SHLD2: variants seen among roughly 807,000 people sequenced by gnomAD.
The protein encoded by SHLD2 is shieldin complex subunit 2.
In SHLD2, 30 loss-of-function variants were observed where a neutral mutation model predicts 73.2. The observed-to-expected ratio is 0.41, with a 90% confidence interval of 0.31 to 0.56. The LOEUF (loss-of-function observed/expected upper bound fraction) is 0.56, where lower values mean the gene tolerates loss of function less well. SHLD2 is among the 20% of genes least tolerant of loss of function. SHLD2 has a pLI of 0.28. For synonymous variants in SHLD2, 285 were observed against 370.1 expected (o/e 0.77, Z 2.64); for missense variants, 745 against 1,055.9 (o/e 0.71, Z 4.08).
At chr10:87,099,294 A>G (rs1278057533) in intron 2 of SHLD2, among the ~76,000 whole-genome samples, 1 of 152,214 alleles carries the variant, frequency 6.6e-6, no homozygotes. Context: ...ATTTAGAAAA[A>G]CATAGCATAT....
chr10:87,100,975 A>G (rs1257896238), intron 2 of SHLD2, among the ~76,000 whole-genome samples: 1 of 152,218 alleles, frequency 6.6e-6, no homozygotes, highest in Non-Finnish European at 1.5e-5. Flanking sequence ...TTTTAACAAT[A>G]TTACATCTTC....
chr10:87,116,196 T>C (rs1216230284), intron 2 of SHLD2, among the ~76,000 whole-genome samples: 2 of 151,888 alleles, frequency 1.3e-5, no homozygotes, highest in African/African-American at 2.4e-5. Flanking sequence ...TGGATATTTG[T>C]TGAGAGTGGA....
intron 6 of SHLD2, among the ~76,000 whole-genome samples, chr10:87,175,656 C>G (rs371654251): frequency 1.3e-5 from 2 of 152,114 alleles, no homozygotes; most frequent in East Asian, 1.9e-4. Flanking sequence ...TGCTCTCCAG[C>G]CTGGGCAACA....
intron 8 of SHLD2, among the ~76,000 whole-genome samples, chr10:87,182,746 G>A (rs947462899): frequency 1.2e-4 from 18 of 152,028 alleles, no homozygotes; most frequent in Non-Finnish European, 2.1e-4. Context: ...TCAAGGTGTA[G>A]GCTGGGGCTG....
chr10:87,098,879 A>G (rs955705468), intron 2 of SHLD2, among the ~76,000 whole-genome samples: 5 of 152,118 alleles, frequency 3.3e-5, no homozygotes, highest in Admixed American at 1.3e-4. Context: ...GGGCTCAGGC[A>G]ATCCTCCCAC....
chr10:87,149,542 G>C (rs2134304864), intron 2 of SHLD2, among the ~76,000 whole-genome samples: 1 of 151,976 alleles, frequency 6.6e-6, no homozygotes, highest in South Asian at 2.1e-4. Context: ...GGCCAACATG[G>C]TGACACCCCA....
intron 2 of SHLD2, among the ~76,000 whole-genome samples, chr10:87,147,704 T>C (rs1183711327): frequency 3.3e-5 from 5 of 151,772 alleles, no homozygotes; most frequent in Admixed American, 1.3e-4. Flanking sequence ...TGACTTTTTT[T>C]CTGAACATTA....
intron 3 of SHLD2, among the ~76,000 whole-genome samples, chr10:87,156,147 A>C (rs1295826271): frequency 4.6e-5 from 7 of 150,984 alleles, no homozygotes; most frequent in African/African-American, 1.7e-4. Flanking sequence ...GCTCACTGCA[A>C]CCTCTGCCTC....
At chr10:87,097,231 T>G (rs549455577) in intron 2 of SHLD2, among the ~76,000 whole-genome samples, 82 of 152,336 alleles carry the variant, frequency 5.4e-4, no homozygotes, top group African/African-American at 1.8e-3. Flanking sequence ...AATGTTTAAC[T>G]TTGCTTCTTC....
In SHLD2 at chr10:87,158,103, T is replaced by G; in HGVS notation, c.1581T>G (p.Phe527Leu). 1 of 1,611,510 alleles carries G rather than the reference T, an allele frequency of 6.2e-7. No homozygotes were observed. Among genetic ancestry groups the G allele is most frequent in the Non-Finnish European group, 8.5e-7 (1 of 1,179,584 alleles). ...GCGAGACAGTACTACAATCAACATT[T>G]AGCAGTCAGTTATTAAATCTTGGGA... Reference protein sequence around the residue: ...WIGETVLQSTFSSQLLNLGSY... With the variant: ...WIGETVLQSTLSSQLLNLGSY... Residue 527 changes from phenylalanine to leucine, a missense_variant, in exon 4 of 10, where the codon TTT becomes TTG. Around this residue, in one of 5 missense-constraint regions of SHLD2, gnomAD observed 418 missense variants for 567.8 expected, o/e 0.74. Transcript: ENST00000298786.
rs1221729259 is a variant in SHLD2, at chr10:87,117,702, G to A, written c.-6+20713G>A. ...CCCAGCTACTTGAGAGGCTGAGGTG[G>A]GAGGATCTCTTGAGCCCAGGAAGTT... On this transcript the variant is annotated intron_variant, in intron 2 of 9. Coordinates refer to ENST00000298786, the MANE Select transcript of SHLD2 (RefSeq NM_001330112.2). Among the ~76,000 whole-genome samples, 3 of 152,218 alleles carry A rather than the reference G, an allele frequency of 2.0e-5. No homozygotes were observed. In the East Asian group the frequency reaches 5.8e-4, roughly 29 times the overall value.
intron 2 of SHLD2, among the ~76,000 whole-genome samples, chr10:87,100,703 C>A (rs758307274): frequency 3.9e-5 from 6 of 152,282 alleles, no homozygotes; most frequent in Middle Eastern, 3.4e-3. Flanking sequence ...ATCTCGAACT[C>A]CTTGACCCAG....
chr10:87,110,171 C>T (rs1332764893), intron 2 of SHLD2, among the ~76,000 whole-genome samples: 1 of 152,138 alleles, frequency 6.6e-6, no homozygotes, highest in Non-Finnish European at 1.5e-5. Flanking sequence ...CACCTGTAGT[C>T]CCAGCTACTC....
In SHLD2 at chr10:87,170,847, A is replaced by G; in HGVS notation, c.1836A>G (p.Val612=). 1 of 1,611,886 alleles carries G rather than the reference A, an allele frequency of 6.2e-7. No individual in the cohort carries two copies. Among genetic ancestry groups the G allele is most frequent in the Non-Finnish European group, 8.5e-7 (1 of 1,179,796 alleles). ...CTCATTTTCCTTTTCCAGAGGCAGT[A>G]TACAGTTATAGAGGACAGAAGCAGA... The part of the protein sequence containing the change: ...VVDFTILTEA[V]YSYRGQKQKK... The change falls in exon 6 of 10, where the codon GTA becomes GTG. Residue 612 remains valine (V), a synonymous_variant. Transcript: ENST00000298786.
chr10:87,178,478 G>T (rs1211181490), intron 7 of SHLD2, among the ~76,000 whole-genome samples: 2 of 151,598 alleles, frequency 1.3e-5, no homozygotes, highest in Non-Finnish European at 2.9e-5. Flanking sequence ...ATTCTGGGAG[G>T]CCAAGAAGAG....
intron 2 of SHLD2, among the ~76,000 whole-genome samples, chr10:87,120,409 G>A (rs1457122906): frequency 5.9e-5 from 9 of 151,808 alleles, no homozygotes; most frequent in East Asian, 1.9e-4. Context: ...CACCACGCCC[G>A]GCTGATTTTT....
chr10:87,143,966 C>T lies in SHLD2; in HGVS notation c.-5-7384C>T, dbSNP rs550088127. On this transcript the variant is annotated intron_variant, in intron 2 of 9. Transcript: ENST00000298786. ...GCAACCTCCACCTCCTGGGTTCAAGCGATTCTCCTGCCTCAGCCTCCTGAG... is the reference window on the plus strand; with the variant it reads ...GCAACCTCCACCTCCTGGGTTCAAGTGATTCTCCTGCCTCAGCCTCCTGAG... Among the ~76,000 whole-genome samples the T allele has an allele frequency of 6.6e-5, 10 of 151,038 alleles. No homozygotes were observed. The South Asian group carries it at 1.3e-3, about 19-fold the overall frequency.
intron 2 of SHLD2, among the ~76,000 whole-genome samples, chr10:87,103,527 A>G (rs934271525): frequency 6.6e-6 from 1 of 152,178 alleles, no homozygotes; most frequent in Non-Finnish European, 1.5e-5. Context: ...TCATTTTGGT[A>G]TATCATGAGT....
Position 87,120,404 on chromosome 10 carries a change from C to T in SHLD2, c.-6+23415C>T, listed in dbSNP as rs552937572. ...CTGGGAATACAGGTGCCCGCCACCA[C>T]GCCCGGCTGATTTTTTCTATTTTTA... is the stretch of plus-strand genomic sequence containing the variant. On this transcript the variant is annotated intron_variant, in intron 2 of 9. Coordinates refer to ENST00000298786, the MANE Select transcript of SHLD2 (RefSeq NM_001330112.2). 1.1e-4 allele frequency among the ~76,000 whole-genome samples: 17 copies of T among 152,138 alleles called. No homozygotes were observed. In the South Asian group the frequency reaches 2.3e-3, roughly 20 times the overall value.
Sources: allele counts gnomAD v4.1 joint callset (sites outside exome capture counted in the v4.1 genomes callset), GRCh38; gene constraint gnomAD v4.1.1; regional missense constraint gnomAD v4.1.1; transcripts MANE v1.5; gene names NCBI Gene and HGNC (gene_info 2026-07-23, HGNC 2026-07-21).